Variants in ANXA8 observed in about 807,000 individuals in gnomAD.
The protein encoded by ANXA8 is VAC-beta.
A neutral mutation model predicts 26.8 loss-of-function variants in ANXA8; 9 were observed. The observed-to-expected ratio is 0.34, with a 90% CI of 0.20 to 0.59. ANXA8 has a LOEUF of 0.59. ANXA8 is among the 20% of genes least tolerant of loss of function. The pLI is 0.84. For missense variants in ANXA8, 83 were observed against 238.5 expected, an observed-to-expected ratio of 0.35 and a Z score of 4.29; for synonymous variants, 39 against 94.8, an observed-to-expected ratio of 0.41 and a Z score of 3.42.
chr10:47,673,275 C>T, the ANXA8 span, among the ~76,000 whole-genome samples: 1 of 151,500 alleles, frequency 6.6e-6, no homozygotes, highest in Non-Finnish European at 1.5e-5. Context: ...GGAACCTCTC[C>T]CAAGTATAGG....
upstream of ANXA8, among the ~76,000 whole-genome samples, chr10:47,488,457 C>T (rs1318437887): frequency 5.4e-5 from 8 of 149,286 alleles, no homozygotes; most frequent in East Asian, 6.0e-4. Context: ...GTGGCCCACC[C>T]GCCTTGGCTT....
the ANXA8 span, among the ~76,000 whole-genome samples, chr10:47,651,427 A>G: frequency 6.6e-6 from 1 of 151,600 alleles, no homozygotes; most frequent in Non-Finnish European, 1.5e-5. Context: ...TTCCTCAAAA[A>G]GTTAAACATA....
the ANXA8 span, among the ~76,000 whole-genome samples, chr10:47,560,913 C>T: frequency 4.6e-5 from 7 of 151,600 alleles, no homozygotes; most frequent in African/African-American, 1.2e-4. Flanking sequence ...TGGGCTCAAG[C>T]GATTCTCCTG....
the ANXA8 span, among the ~76,000 whole-genome samples, chr10:47,670,141 T>C: frequency 6.6e-6 from 1 of 151,944 alleles, no homozygotes; most frequent in African/African-American, 2.4e-5. Context: ...ATGTTTTCAT[T>C]TACCATAATA....
the ANXA8 span, among the ~76,000 whole-genome samples, chr10:47,555,531 C>T: frequency 1.3e-5 from 2 of 151,962 alleles, no homozygotes. Context: ...CTTTCCTAAT[C>T]GGACTCTGAC....
chr10:47,681,498 T>G, the ANXA8 span, among the ~76,000 whole-genome samples: 1 of 150,088 alleles, frequency 6.7e-6, no homozygotes, highest in African/African-American at 2.4e-5. Context: ...TTACTAGTCT[T>G]AAAGTTCAGT....
At chr10:47,701,618 A>G in the ANXA8 span, among the ~76,000 whole-genome samples, 3 of 151,848 alleles carry the variant, frequency 2.0e-5, no homozygotes, top group Non-Finnish European at 4.4e-5. Flanking sequence ...TGTATGTAGT[A>G]TGCTGTCCTT....
the ANXA8 span, among the ~76,000 whole-genome samples, chr10:47,567,665 C>G: frequency 6.6e-6 from 1 of 151,334 alleles, no homozygotes; most frequent in Non-Finnish European, 1.5e-5. Context: ...ATCATTGTTG[C>G]ATTTGCAATC....
the ANXA8 span, chr10:47,710,288 C>T: frequency 3.7e-3 from 4,996 of 1,355,792 alleles, 372 homozygotes; most frequent in African/African-American, 0.072. Flanking sequence ...AACATTCCTA[C>T]CTCAGAGATC....
chr10:47,743,823 G>C, the ANXA8 span, among the ~76,000 whole-genome samples: 1 of 148,260 alleles, frequency 6.7e-6, no homozygotes, highest in African/African-American at 2.5e-5. Context: ...ACGTCCCCAC[G>C]GCTCTCCTAG....
At chr10:47,579,041 C>T in the ANXA8 span, among the ~76,000 whole-genome samples, 3 of 144,418 alleles carry the variant, frequency 2.1e-5, no homozygotes, top group African/African-American at 7.7e-5. Context: ...TGAGGTTTCA[C>T]TACATTGGCC....
chr10:47,680,671 T>C, the ANXA8 span, among the ~76,000 whole-genome samples: 4 of 152,030 alleles, frequency 2.6e-5, no homozygotes, highest in African/African-American at 4.8e-5. Context: ...CATAAGTATG[T>C]ACAATTACAA....
chr10:47,704,626 A>G, the ANXA8 span, among the ~76,000 whole-genome samples: 8 of 151,664 alleles, frequency 5.3e-5, no homozygotes, highest in Admixed American at 2.6e-4. Flanking sequence ...GATGGTTTAC[A>G]TACCTTTTCC....
At chr10:47,682,903 C>T in the ANXA8 span, among the ~76,000 whole-genome samples, 2 of 152,190 alleles carry the variant, frequency 1.3e-5, no homozygotes, top group Non-Finnish European at 2.9e-5. Flanking sequence ...TATTGCAAGC[C>T]AGAATAAGAG....
chr10:47,989,120 G>A, the ANXA8 span, among the ~76,000 whole-genome samples: 303 of 137,658 alleles, frequency 2.2e-3, 4 homozygotes, highest in African/African-American at 7.6e-3. Flanking sequence ...TACACAGCTA[G>A]TAAGCGATGC....
the ANXA8 span, among the ~76,000 whole-genome samples, chr10:47,658,609 G>A: frequency 8.7e-5 from 12 of 137,590 alleles, no homozygotes; most frequent in Non-Finnish European, 1.5e-4. Flanking sequence ...GAAAAAATAG[G>A]TTGGTTTGAG....
chr10:47,548,910 G>T, the ANXA8 span, among the ~76,000 whole-genome samples: 1 of 152,260 alleles, frequency 6.6e-6, no homozygotes, highest in Admixed American at 6.5e-5. Context: ...TGTATCAAGG[G>T]TTTATGTAAG....
the ANXA8 span, among the ~76,000 whole-genome samples, chr10:47,763,863 A>G: frequency 2.2e-4 from 34 of 151,192 alleles, no homozygotes; most frequent in African/African-American, 6.8e-4. Context: ...ACAGCCTTGA[A>G]GGTTATGTCC....
At chr10:47,490,543 T>C in the ANXA8 span, 1 of 152,736 alleles carries the variant, frequency 6.5e-6, no homozygotes, top group Non-Finnish European at 1.5e-5. Flanking sequence ...GGAAACAGTG[T>C]ATCAAGTGAA....
Sources: allele counts gnomAD v4.1 joint callset (sites outside exome capture counted in the v4.1 genomes callset), GRCh38; gene constraint gnomAD v4.1.1; transcripts MANE v1.5; gene names NCBI Gene and HGNC (gene_info 2026-07-23, HGNC 2026-07-21).